Variants in RABL6 observed in about 807,000 individuals in gnomAD.
The protein encoded by RABL6 is RAB, member RAS oncogene family like 6.
A neutral mutation model predicts 72.9 loss-of-function variants in RABL6; 28 were observed. The ratio of observed to expected loss-of-function variants is 0.38; its 90% CI spans 0.28 to 0.53. The LOEUF (loss-of-function observed/expected upper bound fraction) is 0.53. RABL6 is among the 20% of genes least tolerant of loss of function. RABL6 has a pLI of 0.80. For missense variants in RABL6, 1,029 were observed against 1,008.4 expected (o/e 1.02, Z -0.28); for synonymous variants, 477 against 421.2 (o/e 1.13, Z -1.62).
chr9:136,833,630 G>T, intron 7 of RABL6: 1 of 1,519,290 alleles, frequency 6.6e-7, no homozygotes, highest in Non-Finnish European at 8.9e-7. Context: ...GGGTCTGGGG[G>T]ACCTGAACCT....
intron 7 of RABL6, chr9:136,832,752 C>T: frequency 2.9e-6 from 1 of 346,480 alleles, no homozygotes; most frequent in South Asian, 2.4e-5. Context: ...CCACCTGTCT[C>T]CCAAAGTGCT....
chr9:136,824,507 T>C (rs986484804), intron 2 of RABL6, among the ~76,000 whole-genome samples: 8 of 151,848 alleles, frequency 5.3e-5, no homozygotes, highest in Non-Finnish European at 1.2e-4. Flanking sequence ...TTATTTGTAT[T>C]TTTAGTAGAG....
Position 136,840,511 on chromosome 9 carries a change from G to C in RABL6, c.2179G>C (p.Glu727Gln). The change falls in exon 15 of 15, where the codon GAG (glutamate) becomes CAG (glutamine). Residue 727 changes from glutamate to glutamine, a missense_variant. By Grantham distance (29) the Glu-to-Gln change is conservative. Around this residue, in one of 2 missense-constraint regions of RABL6, gnomAD observed 595 missense variants for 472.4 expected, o/e 1.26. Coordinates refer to ENST00000311502, the MANE Select transcript of RABL6 (RefSeq NM_024718.5). ...GGRHPGGGDY[E>Q]EL ...CCGCCACCCTGGGGGTGGCGACTACGAGGAGCTCTAGGCCGGCGTGGGCAG... is the reference window on the plus strand; with the variant it reads ...CCGCCACCCTGGGGGTGGCGACTACCAGGAGCTCTAGGCCGGCGTGGGCAG... 2 of 1,517,614 alleles carry C rather than the reference G, an allele frequency of 1.3e-6. No individual in the cohort carries two copies. Among genetic ancestry groups the C allele is most frequent in the Non-Finnish European group, 1.8e-6 (2 of 1,132,010 alleles). 94.0% of individuals were successfully genotyped at this position (1,517,614 alleles called of 1,614,324 possible). A position where few individuals can be genotyped will look rare whatever the true frequency, so the allele number is the denominator to read the frequency against.
At position 136,813,215 on chromosome 9, in the gene RABL6, C is replaced by T. The variant is rs1848050192; in HGVS notation, c.130+4889C>T. 6 of 521,910 alleles carry T rather than the reference C, an allele frequency of 1.1e-5. No individual in the cohort carries two copies. The Admixed American group carries it at 1.5e-4, about 13-fold the overall frequency. 32.3% of individuals were successfully genotyped at this position (521,910 alleles called of 1,614,324 possible). ...CAACTCCAGCCTGATTGCCCTGCCC[C>T]CAGTTTCCCTTTTATTACAGGAATT... On this transcript the variant is annotated intron_variant, in intron 1 of 14. Coordinates refer to ENST00000311502, the MANE Select transcript of RABL6 (RefSeq NM_024718.5).
intron 7 of RABL6, 160 bp downstream of exon 7, chr9:136,832,530 T>A: frequency 1.4e-6 from 1 of 729,610 alleles, no homozygotes; most frequent in South Asian, 1.5e-5. Context: ...TGCACCTGCC[T>A]GCTCTGGGTG....
intron 1 of RABL6, chr9:136,821,641 C>G: frequency 1.0e-6 from 1 of 988,384 alleles, no homozygotes; most frequent in Non-Finnish European, 1.2e-6. Flanking sequence ...AGGGAGGGCG[C>G]CGCGGCCCGT....
In RABL6 at chr9:136,838,077, C is replaced by T. The variant is rs531944742; in HGVS notation, c.1280+62C>T. ...CCCAGCCTCCAGGGTGCCCGAGCAG[C>T]AGGTGGGGCTGGCTTTCTAGGGGCG... is the stretch of plus-strand genomic sequence containing the variant. On this transcript the variant is annotated intron_variant, in intron 10 of 14. Coordinates refer to ENST00000311502, the MANE Select transcript of RABL6 (RefSeq NM_024718.5). The T allele has an allele frequency of 1.2e-4, 181 of 1,537,256 alleles. No homozygotes were observed. The African/African-American group carries it at 2.2e-3, about 19-fold the overall frequency.
intron 7 of RABL6, chr9:136,832,653 A>G: frequency 2.2e-6 from 1 of 460,518 alleles, no homozygotes; most frequent in Non-Finnish European, 4.0e-6. Context: ...GTTTGTTGAG[A>G]TAAGGTCTTG....
At chr9:136,828,174 T>C in intron 3 of RABL6, 1 of 277,554 alleles carries the variant, frequency 3.6e-6, no homozygotes, top group Non-Finnish European at 6.9e-6. Flanking sequence ...GAGGGGGCCC[T>C]TCCTTCAGCA....
chr9:136,813,308 T>G, intron 1 of RABL6: 1 of 639,130 alleles, frequency 1.6e-6, no homozygotes, highest in South Asian at 1.6e-5. Context: ...GATTTGCCAT[T>G]TTGGTTCTGG....
intron 1 of RABL6, among the ~76,000 whole-genome samples, chr9:136,817,532 TGGGGAGGCCGACGTGGGCTGA>T (rs1848144166): frequency 1.1e-4 from 3 of 28,510 alleles, no homozygotes; most frequent in Non-Finnish European, 1.7e-4. Flanking sequence ...ACGTGGGCTG[TGGGGAGGCCGACGTGGGCTGA>T]GGGGAGGCCG....
Position 136,839,139 on chromosome 9 carries a change from C to T in RABL6, c.1493+18C>T. ...ACCAAGTGGTAAGGGCAGGTGTCCC[C>T]ACGGGTGCGGCCTGGAGACCCGGGT... On this transcript the variant is annotated intron_variant, in intron 11 of 14. Coordinates refer to ENST00000311502, the MANE Select transcript of RABL6 (RefSeq NM_024718.5). 6.2e-7 allele frequency: 1 copy of T among 1,610,176 alleles called. No homozygotes were observed. Among genetic ancestry groups the T allele is most frequent in the Non-Finnish European group, 8.5e-7 (1 of 1,178,374 alleles).
At chr9:136,818,579 TA>T (rs199502204) in intron 1 of RABL6, among the ~76,000 whole-genome samples, 10 of 150,650 alleles carry the variant, frequency 6.6e-5, no homozygotes, top group African/African-American at 1.2e-4. Context: ...CCATCTCTAC[TA>T]AAAAAAATAC....
intron 7 of RABL6, among the ~76,000 whole-genome samples, chr9:136,834,719 T>A (rs967164825): frequency 4.6e-5 from 7 of 152,050 alleles, no homozygotes; most frequent in Admixed American, 6.6e-5. Context: ...CCTCGTGATC[T>A]GCCCGCCTTG....
intron 7 of RABL6, chr9:136,833,265 C>T (rs562185758): frequency 6.9e-6 from 2 of 289,170 alleles, no homozygotes; most frequent in East Asian, 2.2e-4. Flanking sequence ...TGGGCTGCCC[C>T]AGCTGGGTCT....
intron 1 of RABL6, chr9:136,821,730 G>A: frequency 3.6e-6 from 4 of 1,119,164 alleles, no homozygotes; most frequent in South Asian, 1.8e-5. Flanking sequence ...GGGCTGCTGT[G>A]CTCTCCACAG....
At position 136,839,270 on chromosome 9, in the gene RABL6, G is replaced by A. The variant is rs776147014; in HGVS notation, c.1542G>A (p.Arg514=). ...SKPRRGTAPT[R]TAAPPWPGGV... ...CACGGAGGGGGACAGCTCCCACGAG[G>A]ACCGCAGCACCCCCCTGGCCAGGCG... Residue 514 remains arginine (R), a synonymous_variant, in exon 12 of 15, where the codon AGG becomes AGA. Transcript: ENST00000311502. The A allele has an allele frequency of 6.2e-7, 1 of 1,608,128 alleles. No individual in the cohort carries two copies.
rs1228908723 is a variant in RABL6 at position 136,835,687 on chromosome 9, G to C, written c.706-55G>C. 2.0e-6 allele frequency: 3 copies of C among 1,475,480 alleles called. No homozygotes were observed. In the African/African-American group the frequency reaches 4.2e-5, roughly 21 times the overall value. 91.4% of individuals were successfully genotyped at this position (1,475,480 alleles called of 1,614,324 possible). On this transcript the variant is annotated intron_variant, in intron 7 of 14. Coordinates refer to ENST00000311502, the MANE Select transcript of RABL6 (RefSeq NM_024718.5). ...TGTGCATTCAGGGGCTGTGGGGCTG[G>C]GGCACTCGCAGCAGGAAGGAGCCCT...
In RABL6 at chr9:136,840,901, T is replaced by TG; in HGVS notation, c.*380dup. On this transcript the variant is annotated 3_prime_UTR_variant, in exon 15 of 15. Coordinates refer to ENST00000311502, the MANE Select transcript of RABL6 (RefSeq NM_024718.5). Reference sequence around the variant, plus strand: ...GTGGGGTGTGCGCTGCCCCGGCACCTGCTTGCCCTCCGCGCTCATCTGGGG... The same window carrying TG: ...GTGGGGTGTGCGCTGCCCCGGCACCTGGCTTGCCCTCCGCGCTCATCTGGGG... The TG allele has an allele frequency of 6.7e-7, 1 of 1,503,732 alleles. No individual in the cohort carries two copies. Among genetic ancestry groups the TG allele is most frequent in the African/African-American group, 1.4e-5 (1 of 71,438 alleles). 93.1% of individuals were successfully genotyped at this position (1,503,732 alleles called of 1,614,324 possible). A position where few individuals can be genotyped will look rare whatever the true frequency, so the allele number is the denominator to read the frequency against.
Sources: allele counts gnomAD v4.1 joint callset (sites outside exome capture counted in the v4.1 genomes callset), GRCh38; gene constraint gnomAD v4.1.1; regional missense constraint gnomAD v4.1.1; transcripts MANE v1.5; gene names NCBI Gene and HGNC (gene_info 2026-07-23, HGNC 2026-07-21).